FHOD3: variants seen among roughly 807,000 people sequenced by gnomAD.
The protein encoded by FHOD3 is FH1/FH2 domain-containing protein 3.
A neutral mutation model predicts 173.0 loss-of-function variants in FHOD3; 90 were observed. The ratio of observed to expected loss-of-function variants is 0.52; its 90% CI spans 0.44 to 0.62. The LOEUF is 0.62. Ranked by LOEUF, FHOD3 falls within the 20% of genes least tolerant of loss-of-function variation. The pLI is 0.00. For missense variants in FHOD3, 1,945 were observed against 2,034.7 expected (o/e 0.96, Z 0.85); for synonymous variants, 828 against 823.0 (o/e 1.01, Z -0.10).
At chr18:36,434,621 G>A (rs1272865336) in intron 3 of FHOD3, among the ~76,000 whole-genome samples, 1 of 152,086 alleles carries the variant, frequency 6.6e-6, no homozygotes, top group Admixed American at 6.6e-5. Flanking sequence ...TGGGATTGCA[G>A]TGAAAGTGAA....
At chr18:36,594,417 T>C (rs967664342) in intron 6 of FHOD3, among the ~76,000 whole-genome samples, 2 of 152,186 alleles carry the variant, frequency 1.3e-5, no homozygotes, top group Non-Finnish European at 2.9e-5. Context: ...TGCTTATGTC[T>C]ACCTCACAGT....
intron 5 of FHOD3, among the ~76,000 whole-genome samples, chr18:36,549,855 G>C (rs1255333042): frequency 6.6e-6 from 1 of 151,684 alleles, no homozygotes; most frequent in Non-Finnish European, 1.5e-5. Context: ...GCCATGGCCA[G>C]ATCTAAGAAA....
intron 9 of FHOD3, 83 bp downstream of exon 9, chr18:36,612,178 G>A (rs1011444244): frequency 2.2e-5 from 32 of 1,445,968 alleles, no homozygotes; most frequent in Admixed American, 2.2e-4. Context: ...TAGACCACGC[G>A]TAAAGCGTAT....
intron 3 of FHOD3, among the ~76,000 whole-genome samples, chr18:36,409,560 A>G (rs570207307): frequency 6.6e-6 from 1 of 152,268 alleles, no homozygotes; most frequent in East Asian, 1.9e-4. Flanking sequence ...CTCAGAGCCC[A>G]TTGACTTTTT....
intron 5 of FHOD3, among the ~76,000 whole-genome samples, chr18:36,574,461 A>G (rs181219390): frequency 3.5e-4 from 53 of 152,150 alleles, no homozygotes; most frequent in Admixed American, 8.5e-4. Context: ...GTTTGTATTA[A>G]CTATTTAAAG....
At chr18:36,356,765 A>G (rs2046380733) in intron 2 of FHOD3, among the ~76,000 whole-genome samples, 1 of 152,038 alleles carries the variant, frequency 6.6e-6, no homozygotes, top group Non-Finnish European at 1.5e-5. Flanking sequence ...ACTCCCGAGT[A>G]GCTGGGACTA....
chr18:36,490,310 G>A (rs982100131), intron 3 of FHOD3, among the ~76,000 whole-genome samples: 2 of 152,162 alleles, frequency 1.3e-5, no homozygotes, highest in Non-Finnish European at 2.9e-5. Context: ...GCAAATGGAC[G>A]TGGACTTTGC....
At chr18:36,718,741 T>C (rs1203913374) in intron 19 of FHOD3, 26 bp downstream of exon 19, 2 of 1,596,080 alleles carry the variant, frequency 1.3e-6, no homozygotes, top group Non-Finnish European at 1.7e-6. Context: ...AGCATGCTTC[T>C]TGATTGGAAG....
chr18:36,542,845 A>C (rs988932330), intron 5 of FHOD3, among the ~76,000 whole-genome samples: 3 of 152,210 alleles, frequency 2.0e-5, no homozygotes, highest in African/African-American at 7.2e-5. Context: ...ACAAAAAAAA[A>C]TGACGAAGGG....
chr18:36,458,995 G>C lies in FHOD3; in HGVS notation c.338-42937G>C, dbSNP rs79145116. Among the ~76,000 whole-genome samples the C allele has an allele frequency of 2.6e-5, 4 of 152,246 alleles. No homozygotes were observed. The South Asian group carries it at 8.3e-4, about 32-fold the overall frequency. ...GCTTTGCCCAGGGGTGGCTTTCAGG[G>C]CAGTGTTCCTAATCAGCAGCCTGGA... On this transcript the variant is annotated intron_variant, in intron 3 of 28. Coordinates refer to ENST00000590592, the MANE Select transcript of FHOD3 (RefSeq NM_001281740.3).
At chr18:36,745,029 T>C (rs2042082896) in intron 23 of FHOD3, among the ~76,000 whole-genome samples, 1 of 152,106 alleles carries the variant, frequency 6.6e-6, no homozygotes, top group Non-Finnish European at 1.5e-5. Flanking sequence ...CTGGGGTGTG[T>C]TGGAATCCAG....
intron 5 of FHOD3, among the ~76,000 whole-genome samples, chr18:36,573,593 G>A (rs1475145024): frequency 6.6e-6 from 1 of 152,200 alleles, no homozygotes; most frequent in Non-Finnish European, 1.5e-5. Flanking sequence ...GACAGCGTGA[G>A]ACCGTGTCTC....
intron 3 of FHOD3, among the ~76,000 whole-genome samples, chr18:36,425,643 A>G (rs1285479894): frequency 6.6e-6 from 1 of 152,230 alleles, no homozygotes; most frequent in Non-Finnish European, 1.5e-5. Flanking sequence ...AGGAAAAATT[A>G]AAAAGTGTAT....
Position 36,693,383 on chromosome 18 carries a change from G to A in FHOD3, c.2196G>A (p.Thr732=), listed in dbSNP as rs112826623. The change falls in exon 17 of 29, where the codon ACG becomes ACA. Residue 732 remains threonine (T), a synonymous_variant. Coordinates refer to ENST00000590592, the MANE Select transcript of FHOD3 (RefSeq NM_001281740.3). The stretch of plus-strand genomic sequence containing the variant: ...CTTCAGACTCTCAAGAGGCTCTCAC[G>A]GTGTCTGCCTCCTCCCCAGGAACCC... The part of the protein sequence containing the change: ...PSSSDSQEAL[T]VSASSPGTPH... 62 of 1,613,818 alleles carry A rather than the reference G, an allele frequency of 3.8e-5. No homozygotes were observed. The African/African-American group carries it at 4.5e-4, about 12-fold the overall frequency.
intron 14 of FHOD3, among the ~76,000 whole-genome samples, chr18:36,662,393 C>T (rs534519806): frequency 8.5e-5 from 13 of 152,290 alleles, no homozygotes; most frequent in East Asian, 1.9e-4. Flanking sequence ...ATACTTAGGA[C>T]GCCAGAGAGG....
At chr18:36,477,734 T>A (rs1157122585) in intron 3 of FHOD3, among the ~76,000 whole-genome samples, 1 of 152,054 alleles carries the variant, frequency 6.6e-6, no homozygotes, top group African/African-American at 2.4e-5. Flanking sequence ...AAGTCTTAAA[T>A]CCCTGATAGC....
intron 5 of FHOD3, among the ~76,000 whole-genome samples, chr18:36,558,948 G>T (rs2057992821): frequency 6.6e-6 from 1 of 152,116 alleles, no homozygotes; most frequent in Non-Finnish European, 1.5e-5. Flanking sequence ...AGACCCCTGT[G>T]CTCTGCTCAG....
At chr18:36,591,413 G>T (rs969448667) in intron 6 of FHOD3, among the ~76,000 whole-genome samples, 1 of 152,178 alleles carries the variant, frequency 6.6e-6, no homozygotes. Flanking sequence ...GGTGAGAAAG[G>T]GAGGCTGGGG....
At chr18:36,693,727 T>C (rs371770518) in intron 17 of FHOD3, among the ~76,000 whole-genome samples, 9 of 152,356 alleles carry the variant, frequency 5.9e-5, no homozygotes, top group African/African-American at 1.7e-4. Context: ...ATTCATTTAA[T>C]ACTTTATCAT....
Sources: gnomAD v4.1 joint callset for allele counts (sites outside exome capture counted in the v4.1 genomes callset) on GRCh38, gnomAD v4.1.1 for gene constraint, MANE v1.5 for transcripts, NCBI Gene and HGNC (gene_info 2026-07-23, HGNC 2026-07-21) for gene names.